MYRFL: variants seen among roughly 807,000 people sequenced by gnomAD.
MYRFL encodes myelin regulatory factor-like protein.
In MYRFL, 88 loss-of-function variants were observed where a neutral mutation model predicts 109.4. The ratio of observed to expected loss-of-function variants is 0.80; its 90% CI spans 0.68 to 0.96. The LOEUF (loss-of-function observed/expected upper bound fraction) is 0.96, where lower values mean the gene tolerates loss of function less well. Ranked by LOEUF, MYRFL falls within the 40% of genes least tolerant of loss-of-function variation. The pLI, the probability that MYRFL is intolerant of heterozygous loss-of-function variation, is 0.00. For synonymous variants in MYRFL, 324 were observed against 320.9 expected, an observed-to-expected ratio of 1.01 and a Z score of -0.10; for missense variants, 957 against 954.9, an observed-to-expected ratio of 1.00 and a Z score of -0.03.
Position 69,936,204 on chromosome 12 carries a change from AT to A in MYRFL, c.1991+21del. On this transcript the variant is annotated intron_variant, in intron 17 of 24. Transcript: ENST00000552032. ...CCCTCCAAGGTGAGAGTTCAGTTCA[AT>A]TTTCTGGCCTAAAATTCCTTTGGAG... 1 of 1,524,596 alleles carries A rather than the reference AT, an allele frequency of 6.6e-7. No homozygotes were observed. Among genetic ancestry groups the A allele is most frequent in the Non-Finnish European group, 8.7e-7 (1 of 1,143,158 alleles). 94.4% of individuals were successfully genotyped at this position (1,524,596 alleles called of 1,614,324 possible). A position where few individuals can be genotyped will look rare whatever the true frequency, so the allele number is the denominator to read the frequency against.
chr12:69,944,054 G>A (rs1292674384), intron 19 of MYRFL, among the ~76,000 whole-genome samples: 1 of 150,262 alleles, frequency 6.7e-6, no homozygotes, highest in African/African-American at 2.5e-5. Flanking sequence ...GAGAGGATGT[G>A]GAGAAATAGG....
intron 19 of MYRFL, among the ~76,000 whole-genome samples, chr12:69,951,423 C>CTT (rs11310328): frequency 1.5e-3 from 131 of 89,190 alleles, no homozygotes; most frequent in East Asian, 7.0e-3. Flanking sequence ...TCCTAACCTG[C>CTT]TTTTTTTTTT....
At chr12:69,873,221 C>T (rs138728538) in intron 2 of MYRFL, among the ~76,000 whole-genome samples, 27 of 152,034 alleles carry the variant, frequency 1.8e-4, no homozygotes, top group South Asian at 4.2e-4. Flanking sequence ...GTAAAATACA[C>T]GAAGATTAAT....
intron 1 of MYRFL, among the ~76,000 whole-genome samples, chr12:69,844,677 A>G (rs1271355472): frequency 2.0e-5 from 3 of 152,124 alleles, no homozygotes; most frequent in Non-Finnish European, 4.4e-5. Context: ...AAGCTGGTTA[A>G]CCTGTGTAAT....
In MYRFL at chr12:69,910,565, C is replaced by T. The variant is rs1001042276; in HGVS notation, c.1493-256C>T. On this transcript the variant is annotated intron_variant, in intron 12 of 24. Transcript: ENST00000552032. ...AGGAAAAGAAAGGAAATCAAGCCAA[C>T]GCCCCATCTTTACTTCTATGGACAG... 5.3e-5 allele frequency among the ~76,000 whole-genome samples: 8 copies of T among 150,906 alleles called. No homozygotes were observed. In the East Asian group the frequency reaches 1.2e-3, roughly 22 times the overall value.
intron 5 of MYRFL, 40 bp from the exon 6 acceptor site, chr12:69,886,780 A>T (rs1886479965): frequency 6.5e-7 from 1 of 1,533,042 alleles, no homozygotes; most frequent in Admixed American, 2.0e-5. Flanking sequence ...TAGGAAAAAC[A>T]GCCTGGAAGG....
chr12:69,958,749 A>G lies in MYRFL; in HGVS notation c.*218A>G, dbSNP rs1004986976. 2.0e-6 allele frequency: 1 copy of G among 491,562 alleles called. No individual in the cohort carries two copies. The highest frequency in any genetic ancestry group is 3.9e-5 in the Admixed American group (1 of 25,854). 30.5% of individuals were successfully genotyped at this position (491,562 alleles called of 1,614,324 possible). ...AAATAATGTGATGTTTGATTTTGCC[A>G]TGACTATGAAGAAAACATTTCCTGG... On this transcript the variant is annotated 3_prime_UTR_variant, in exon 25 of 25. Coordinates refer to ENST00000552032, the MANE Select transcript of MYRFL (RefSeq NM_182530.3).
In MYRFL at chr12:69,955,403, A is replaced by C. The variant is rs749487234; in HGVS notation, c.2416A>C (p.Thr806Pro). 4.5e-6 allele frequency: 3 copies of C among 660,732 alleles called. No homozygotes were observed. The highest frequency in any genetic ancestry group is 3.6e-5 in the African/African-American group (2 of 55,030). 40.9% of individuals were successfully genotyped at this position (660,732 alleles called of 1,614,324 possible). ...YNYNIPVNKH[T>P]PTNVKFSLEI... Reference sequence around the variant, plus strand: ...TTACAATATTCCTGTTAATAAACACACACCCACCAATGTCAAGTTCTCTCT... The same window carrying C: ...TTACAATATTCCTGTTAATAAACACCCACCCACCAATGTCAAGTTCTCTCT... The change falls in exon 22 of 25, where the codon ACA (threonine) becomes CCA (proline). Residue 806 changes from threonine to proline, a missense_variant. Thr to Pro is a conservative substitution (Grantham distance 38). Transcript: ENST00000552032.
chr12:69,908,260 G>T (rs1470965982), intron 11 of MYRFL, among the ~76,000 whole-genome samples: 1 of 152,208 alleles, frequency 6.6e-6, no homozygotes, highest in Admixed American at 6.5e-5. Flanking sequence ...CTCTCACGGG[G>T]TGTATGTGAT....
At chr12:69,929,854 T>C (rs1456628622) in intron 15 of MYRFL, among the ~76,000 whole-genome samples, 1 of 152,206 alleles carries the variant, frequency 6.6e-6, no homozygotes, top group Non-Finnish European at 1.5e-5. Flanking sequence ...ACTTGCTTCA[T>C]AGGGTTGTAG....
At chr12:69,850,224 C>G (rs73335898) in intron 1 of MYRFL, among the ~76,000 whole-genome samples, 94 of 152,234 alleles carry the variant, frequency 6.2e-4, no homozygotes, top group African/African-American at 2.2e-3. Context: ...TAAACCTCTT[C>G]GTTTTGTAAA....
At chr12:69,933,552 A>G (rs789565) in intron 16 of MYRFL, among the ~76,000 whole-genome samples, 39,484 of 152,112 alleles carry the variant, frequency 0.26, 5,450 homozygotes, top group Non-Finnish European at 0.32. Flanking sequence ...CTAAAGCAGC[A>G]TCCTAGCTAC....
chr12:69,955,955 C>A (rs1461980952), intron 22 of MYRFL, among the ~76,000 whole-genome samples: 3 of 151,916 alleles, frequency 2.0e-5, no homozygotes, highest in Non-Finnish European at 4.4e-5. Context: ...CTTCTTTGAG[C>A]TACTGTTTCT....
At chr12:69,895,151 A>G in intron 8 of MYRFL, among the ~76,000 whole-genome samples, 1 of 152,272 alleles carries the variant, frequency 6.6e-6, no homozygotes, top group East Asian at 1.9e-4. Flanking sequence ...CTGACTGAGC[A>G]TTTCTTACCC....
At position 69,895,364 on chromosome 12, in the gene MYRFL, G is replaced by A. The variant is rs1053701821; in HGVS notation, c.981-7G>A. On this transcript the variant is annotated splice_region_variant and splice_polypyrimidine_tract_variant and intron_variant, in intron 8 of 24. Coordinates refer to ENST00000552032, the MANE Select transcript of MYRFL (RefSeq NM_182530.3). ...TCTTGGTTTTTTTTTTTTGCTGTTT[G>A]TTTTAGAATTGACCTACTGGCTGAC... 4.1e-6 allele frequency: 6 copies of A among 1,475,324 alleles called. No homozygotes were observed. In the African/African-American group the frequency reaches 7.1e-5, roughly 17 times the overall value. 91.4% of individuals were successfully genotyped at this position (1,475,324 alleles called of 1,614,324 possible).
At chr12:69,949,071 T>C (rs1245224239) in intron 19 of MYRFL, among the ~76,000 whole-genome samples, 2 of 152,176 alleles carry the variant, frequency 1.3e-5, no homozygotes, top group Non-Finnish European at 2.9e-5. Context: ...GAACAGGATG[T>C]AGTCTTCAAG....
At chr12:69,852,202 G>A (rs1239685515) in intron 1 of MYRFL, among the ~76,000 whole-genome samples, 1 of 152,118 alleles carries the variant, frequency 6.6e-6, no homozygotes, top group Non-Finnish European at 1.5e-5. Context: ...CAAATATGTG[G>A]GGTTGGCAGG....
rs1883761133 is a variant in MYRFL, at chr12:69,849,572, T to C, written c.47-5708T>C. ...AATTGTGAAAATGGTAGAAGAGTTA[T>C]ATTGTTAAAGTTTTAACAGCATGAT... On this transcript the variant is annotated intron_variant, in intron 1 of 24. Transcript: ENST00000552032. Among the ~76,000 whole-genome samples the C allele has an allele frequency of 5.3e-5, 8 of 152,270 alleles. No homozygotes were observed. The South Asian group carries it at 1.7e-3, about 31-fold the overall frequency.
At chr12:69,874,891 T>G (rs1885563347) in intron 2 of MYRFL, among the ~76,000 whole-genome samples, 1 of 151,890 alleles carries the variant, frequency 6.6e-6, no homozygotes, top group African/African-American at 2.4e-5. Context: ...ATTTTTGGCT[T>G]ACAGTTACTC....
Sources: gnomAD v4.1 joint callset for allele counts (sites outside exome capture counted in the v4.1 genomes callset) on GRCh38, gnomAD v4.1.1 for gene constraint, MANE v1.5 for transcripts, NCBI Gene and HGNC (gene_info 2026-07-23, HGNC 2026-07-21) for gene names.